CDH18: variants seen among roughly 807,000 people sequenced by gnomAD.
CDH18 encodes the protein cadherin 18, also known as cadherin-18.
A neutral mutation model predicts 67.9 loss-of-function variants in CDH18; 31 were observed. That is an observed-to-expected ratio of 0.46 (90% CI 0.34 to 0.62). CDH18 has a LOEUF of 0.62. Among genes scored for constraint, CDH18 ranks in the 20% least tolerant of loss-of-function variants. CDH18 has a pLI of 0.01. For missense variants in CDH18, 890 were observed against 975.5 expected, an observed-to-expected ratio of 0.91 and a Z score of 1.17; for synonymous variants, 362 against 347.2, an observed-to-expected ratio of 1.04 and a Z score of -0.48.
chr5:19,541,972 C>A (rs1054318792), intron 9 of CDH18, among the ~76,000 whole-genome samples: 2 of 152,146 alleles, frequency 1.3e-5, no homozygotes, highest in Non-Finnish European at 2.9e-5. Flanking sequence ...TTGCTAACGT[C>A]TGGTTATTTT....
intron 2 of CDH18, among the ~76,000 whole-genome samples, chr5:19,885,294 C>T (rs1219764646): frequency 1.3e-5 from 2 of 152,020 alleles, no homozygotes; most frequent in Non-Finnish European, 2.9e-5. Context: ...TTGGTGTGAC[C>T]GTTAAGTTAT....
chr5:20,203,615 A>T (rs2126316157), intron 2 of CDH18, among the ~76,000 whole-genome samples: 1 of 143,978 alleles, frequency 6.9e-6, no homozygotes, highest in African/African-American at 2.8e-5. Context: ...CAACAGGTAA[A>T]TTACAAAGAA....
At chr5:20,096,692 T>TA (rs1425384505) in intron 2 of CDH18, among the ~76,000 whole-genome samples, 1 of 152,024 alleles carries the variant, frequency 6.6e-6, no homozygotes, top group Non-Finnish European at 1.5e-5. Context: ...CTTTAACTGC[T>TA]AAAAAATGGT....
intron 1 of CDH18, among the ~76,000 whole-genome samples, chr5:20,416,444 T>A (rs1228269602): frequency 1.3e-5 from 2 of 152,116 alleles, no homozygotes; most frequent in Non-Finnish European, 2.9e-5. Flanking sequence ...ATAATAAGAA[T>A]GTGCTTACAG....
At chr5:20,181,219 T>A (rs1737664054) in intron 2 of CDH18, among the ~76,000 whole-genome samples, 1 of 152,276 alleles carries the variant, frequency 6.6e-6, no homozygotes, top group South Asian at 2.1e-4. Flanking sequence ...CCTCCCATAT[T>A]TTTGGGGGCT....
At chr5:20,470,868 T>C (rs901904211) in intron 1 of CDH18, among the ~76,000 whole-genome samples, 4 of 152,202 alleles carry the variant, frequency 2.6e-5, no homozygotes, top group Non-Finnish European at 4.4e-5. Flanking sequence ...CTCAAGAACA[T>C]CACTCTGACA....
chr5:20,559,201 C>T lies in CDH18; in HGVS notation c.-580+16261G>A, dbSNP rs529282524. ...CAAGTAGATTTTCAAGGAGAAAAAC[C>T]ATAAAATTCTGATTATAAATTTCTT... On this transcript the variant is annotated intron_variant, in intron 1 of 14. Coordinates refer to the CDH18 transcript ENST00000507958. Among the ~76,000 whole-genome samples the T allele has an allele frequency of 4.0e-5, 6 of 151,834 alleles. No homozygotes were observed. In the South Asian group the frequency reaches 1.0e-3, roughly 26 times the overall value.
At chr5:19,621,587 C>A (rs889039490) in intron 5 of CDH18, among the ~76,000 whole-genome samples, 1 of 152,132 alleles carries the variant, frequency 6.6e-6, no homozygotes, top group African/African-American at 2.4e-5. Context: ...ACAAATACTG[C>A]ATGATCTTAC....
chr5:20,068,178 T>G (rs1443299172), intron 2 of CDH18, among the ~76,000 whole-genome samples: 1 of 152,142 alleles, frequency 6.6e-6, no homozygotes, highest in African/African-American at 2.4e-5. Context: ...TGCTGTCATC[T>G]CTAAAGAACG....
In CDH18 at chr5:20,427,391, G is replaced by A. The variant is rs561544975; in HGVS notation, c.-580+148071C>T. ...ATAAACATCACATATTATCTTAAAA[G>A]GCTTATTTTACTCAAAATAATTTGA... On this transcript the variant is annotated intron_variant, in intron 1 of 14. Coordinates refer to the CDH18 transcript ENST00000507958. Among the ~76,000 whole-genome samples the A allele has an allele frequency of 5.3e-5, 8 of 151,136 alleles. No homozygotes were observed. In the South Asian group the frequency reaches 1.5e-3, roughly 27 times the overall value.
At chr5:19,614,988 A>T (rs1042917454) in intron 5 of CDH18, among the ~76,000 whole-genome samples, 5 of 152,098 alleles carry the variant, frequency 3.3e-5, no homozygotes, top group African/African-American at 1.2e-4. Context: ...TCTACTAAAA[A>T]TACAAAAAAT....
At chr5:19,865,551 C>T (rs1028366114) in intron 2 of CDH18, among the ~76,000 whole-genome samples, 3 of 152,010 alleles carry the variant, frequency 2.0e-5, no homozygotes, top group African/African-American at 7.2e-5. Context: ...GTCATCTCTC[C>T]CCTACAGAGA....
chr5:20,281,198 G>A (rs565577392), intron 1 of CDH18, among the ~76,000 whole-genome samples: 5 of 152,128 alleles, frequency 3.3e-5, no homozygotes, highest in South Asian at 4.1e-4. Flanking sequence ...CTGTGCAGAA[G>A]CTCTTTAGTT....
chr5:19,498,783 T>C (rs940697911), intron 11 of CDH18, among the ~76,000 whole-genome samples: 3 of 152,188 alleles, frequency 2.0e-5, no homozygotes, highest in Non-Finnish European at 4.4e-5. Context: ...CTTCCTCATA[T>C]CTTAGGGCCT....
intron 5 of CDH18, among the ~76,000 whole-genome samples, chr5:19,646,009 C>T (rs1286812021): frequency 6.6e-6 from 1 of 152,038 alleles, no homozygotes. Context: ...TAGAAGAAAA[C>T]GACAAATGAT....
intron 5 of CDH18, among the ~76,000 whole-genome samples, chr5:19,677,676 T>C (rs1416709923): frequency 1.3e-5 from 2 of 151,410 alleles, no homozygotes; most frequent in African/African-American, 4.9e-5. Flanking sequence ...CAATGTCACA[T>C]GCAATGACAA....
chr5:20,293,887 A>G (rs1443951291), intron 1 of CDH18, among the ~76,000 whole-genome samples: 1 of 152,178 alleles, frequency 6.6e-6, no homozygotes, highest in Non-Finnish European at 1.5e-5. Context: ...AGGTGTAAAT[A>G]GGATAGAAGT....
rs1271804716 is a variant in CDH18 at position 19,650,525 on chromosome 5, C to A, written c.644-37924G>T. On this transcript the variant is annotated intron_variant, in intron 5 of 12. Transcript: ENST00000382275. Reference sequence around the variant, plus strand: ...AAATTTCCTCCCTACATTGTCTGAGCTAATGGAGATAAAGAGAAAATAAAG... The same window carrying A: ...AAATTTCCTCCCTACATTGTCTGAGATAATGGAGATAAAGAGAAAATAAAG... Among the ~76,000 whole-genome samples the A allele has an allele frequency of 2.0e-5, 3 of 151,968 alleles. No individual in the cohort carries two copies. In the East Asian group the frequency reaches 5.8e-4, roughly 29 times the overall value.
chr5:19,759,871 G>A (rs1018377264), intron 3 of CDH18, among the ~76,000 whole-genome samples: 4 of 152,108 alleles, frequency 2.6e-5, no homozygotes, highest in African/African-American at 9.7e-5. Flanking sequence ...TTCTGGGTCT[G>A]TAAACTGGCT....
Sources: gnomAD v4.1 joint callset for allele counts (sites outside exome capture counted in the v4.1 genomes callset) on GRCh38, gnomAD v4.1.1 for gene constraint, MANE v1.5 for transcripts, NCBI Gene and HGNC (gene_info 2026-07-23, HGNC 2026-07-21) for gene names.